The following CAST variants were observed in gnomAD, a reference collection of about 807,000 sequenced individuals.
CAST encodes MIR583 host.
CAST carries 76 observed loss-of-function variants against 119.6 expected under a neutral mutation model. The observed-to-expected ratio is 0.64, with a 90% CI of 0.53 to 0.77. The LOEUF (loss-of-function observed/expected upper bound fraction) is 0.77, where lower values mean the gene tolerates loss of function less well. Ranked by LOEUF, CAST falls within the 30% of genes least tolerant of loss-of-function variation. CAST has a pLI of 0.00. For synonymous variants in CAST, 319 were observed against 331.6 expected, an observed-to-expected ratio of 0.96 and a Z score of 0.41; for missense variants, 953 against 946.5, an observed-to-expected ratio of 1.01 and a Z score of -0.09.
the CAST span, among the ~76,000 whole-genome samples, chr5:96,506,162 A>G: frequency 6.6e-6 from 1 of 152,250 alleles, no homozygotes; most frequent in Non-Finnish European, 1.5e-5. Context: ...TGGCAGGAAT[A>G]TTTGTATAGA....
At chr5:96,277,340 C>A in the CAST span, among the ~76,000 whole-genome samples, 2 of 152,002 alleles carry the variant, frequency 1.3e-5, no homozygotes, top group African/African-American at 2.4e-5. Flanking sequence ...TTCTTTCCAG[C>A]CATTGGTGTC....
At chr5:96,204,408 A>G in the CAST span, among the ~76,000 whole-genome samples, 1 of 152,050 alleles carries the variant, frequency 6.6e-6, no homozygotes, top group Non-Finnish European at 1.5e-5. Flanking sequence ...TACCATCTCT[A>G]TGACTCTTGG....
chr5:96,107,931 T>G, the CAST span, among the ~76,000 whole-genome samples: 1 of 152,070 alleles, frequency 6.6e-6, no homozygotes, highest in Non-Finnish European at 1.5e-5. Context: ...TTCTTTTTAT[T>G]CTTTTTTCTC....
chr5:96,168,641 T>A, the CAST span, among the ~76,000 whole-genome samples: 3 of 151,980 alleles, frequency 2.0e-5, no homozygotes, highest in Admixed American at 2.0e-4. Flanking sequence ...CCATCAATAA[T>A]CCAAATGTGA....
intron 1 of CAST, among the ~76,000 whole-genome samples, chr5:96,674,681 A>G (rs995367564): frequency 2.0e-5 from 3 of 152,202 alleles, no homozygotes; most frequent in Non-Finnish European, 4.4e-5. Flanking sequence ...AAATATTTGC[A>G]TTAGGGACAG....
chr5:96,685,147 A>C (rs1378514083), intron 2 of CAST, among the ~76,000 whole-genome samples: 4 of 151,938 alleles, frequency 2.6e-5, no homozygotes, highest in Non-Finnish European at 5.9e-5. Context: ...CTAAGATCTT[A>C]GGTCCCACCA....
chr5:96,063,326 A>G, the CAST span, among the ~76,000 whole-genome samples: 5 of 152,062 alleles, frequency 3.3e-5, no homozygotes, highest in Non-Finnish European at 7.4e-5. Context: ...GTCAATGTGG[A>G]GTTATAAAGT....
intron 3 of CAST, among the ~76,000 whole-genome samples, chr5:96,699,193 A>G (rs1257766479): frequency 1.3e-5 from 2 of 152,224 alleles, no homozygotes; most frequent in East Asian, 1.9e-4. Flanking sequence ...GTTGTGATCC[A>G]TAACCAGTCA....
the CAST span, chr5:95,972,907 C>T: frequency 1.3e-5 from 2 of 152,152 alleles, no homozygotes; most frequent in Admixed American, 6.5e-5. Flanking sequence ...CATTTCTTTA[C>T]GAACCGAAGG....
At chr5:96,159,137 T>C in the CAST span, among the ~76,000 whole-genome samples, 256 of 152,348 alleles carry the variant, frequency 1.7e-3, 1 homozygote, top group African/African-American at 5.9e-3. Flanking sequence ...GGAAGTATAC[T>C]GTCCTTTTTA....
At chr5:96,188,436 A>G in the CAST span, among the ~76,000 whole-genome samples, 4,870 of 152,174 alleles carry the variant, frequency 0.032, 262 homozygotes, top group African/African-American at 0.11. Context: ...CTATTGAAAC[A>G]CTACTCAACT....
chr5:96,637,194 G>A (rs1008246991), intron 1 of CAST, among the ~76,000 whole-genome samples: 19 of 152,192 alleles, frequency 1.2e-4, no homozygotes, highest in African/African-American at 4.3e-4. Context: ...TATTTACTAT[G>A]TGTCAGGTGC....
chr5:96,328,372 CTTCTCTCTCCCT>C, the CAST span, among the ~76,000 whole-genome samples: 2 of 9,784 alleles, frequency 2.0e-4, no homozygotes, highest in Non-Finnish European at 2.0e-4. Flanking sequence ...TCTGTCTTTC[CTTCTCTCTCCCT>C]CTCTCTCTCT....
At chr5:96,713,554 C>G (rs930688985) in intron 3 of CAST, among the ~76,000 whole-genome samples, 2 of 152,228 alleles carry the variant, frequency 1.3e-5, no homozygotes, top group Non-Finnish European at 1.5e-5. Context: ...CTTCATTTGA[C>G]TGGAACATGG....
chr5:96,031,176 A>C, the CAST span, among the ~76,000 whole-genome samples: 1 of 150,770 alleles, frequency 6.6e-6, no homozygotes, highest in Non-Finnish European at 1.5e-5. Context: ...TATTTATCAG[A>C]TTTAATAAAC....
At chr5:96,501,898 G>A in the CAST span, among the ~76,000 whole-genome samples, 3 of 152,166 alleles carry the variant, frequency 2.0e-5, no homozygotes, top group African/African-American at 4.8e-5. Context: ...GCTTTGTAGC[G>A]TATTGTGTGT....
chr5:96,676,687 T>C (rs1750748434), intron 2 of CAST, among the ~76,000 whole-genome samples: 1 of 151,896 alleles, frequency 6.6e-6, no homozygotes, highest in African/African-American at 2.4e-5. Flanking sequence ...TCCTGTTTCC[T>C]GATTAAATTA....
chr5:96,017,644 T>C, the CAST span, among the ~76,000 whole-genome samples: 1 of 152,100 alleles, frequency 6.6e-6, no homozygotes, highest in African/African-American at 2.4e-5. Flanking sequence ...TCAGTAAATC[T>C]TTGTCTGGGG....
the CAST span, among the ~76,000 whole-genome samples, chr5:96,439,521 G>T: frequency 5.3e-3 from 810 of 152,266 alleles, 3 homozygotes; most frequent in Middle Eastern, 0.017. Flanking sequence ...AAAAAAGATT[G>T]CTTTAAAGTC....
Sources: gnomAD v4.1 joint callset for allele counts (sites outside exome capture counted in the v4.1 genomes callset) on GRCh38, gnomAD v4.1.1 for gene constraint, MANE v1.5 for transcripts, NCBI Gene and HGNC (gene_info 2026-07-23, HGNC 2026-07-21) for gene names.